The following ECHDC1 variants were observed in gnomAD, a reference collection of about 807,000 sequenced individuals.
The protein encoded by ECHDC1 is ethylmalonyl-CoA decarboxylase.
In ECHDC1, 29 loss-of-function variants were observed where a neutral mutation model predicts 29.7. That is an observed-to-expected ratio of 0.98 (90% CI 0.73 to 1.33). The LOEUF (loss-of-function observed/expected upper bound fraction) is 1.33. Among genes scored for constraint, ECHDC1 ranks in the 40% most tolerant of loss-of-function variants. ECHDC1 has a pLI of 0.00. For missense variants in ECHDC1, 328 were observed against 350.0 expected, an observed-to-expected ratio of 0.94 and a Z score of 0.50; for synonymous variants, 126 against 123.1, an observed-to-expected ratio of 1.02 and a Z score of -0.15.
At chr6:127,290,566 T>C (rs1344564059) in intron 5 of ECHDC1, among the ~76,000 whole-genome samples, 2 of 152,036 alleles carry the variant, frequency 1.3e-5, no homozygotes, top group Non-Finnish European at 2.9e-5. Context: ...GGTGACCTAA[T>C]GAGAGGATGT....
At chr6:127,305,569 C>T (rs577633462) in intron 5 of ECHDC1, among the ~76,000 whole-genome samples, 139 of 152,056 alleles carry the variant, frequency 9.1e-4, no homozygotes, top group African/African-American at 3.2e-3. Context: ...GTAGAAAGAC[C>T]AAATGATGAA....
Position 127,293,462 on chromosome 6 carries a change from C to G in ECHDC1, c.498-3185G>C, listed in dbSNP as rs891623971. On this transcript the variant is annotated intron_variant, in intron 5 of 5. Transcript: ENST00000454859. The stretch of plus-strand genomic sequence containing the variant: ...GATGGCCACTAGACTGGCTACATAT[C>G]CACACATTGTAAAATACAGCAAAGG... Among the ~76,000 whole-genome samples, 9 of 152,080 alleles carry G rather than the reference C, an allele frequency of 5.9e-5. 1 individual carries two copies. The highest frequency in any genetic ancestry group is 2.1e-4 in the South Asian group (1 of 4,824).
intron 5 of ECHDC1, among the ~76,000 whole-genome samples, chr6:127,306,720 T>C (rs907287881): frequency 6.6e-6 from 1 of 152,162 alleles, no homozygotes; most frequent in African/African-American, 2.4e-5. Flanking sequence ...TCTCAGGTAG[T>C]TCTTTATAGC....
chr6:127,322,646 G>GTATATATATATATATATATATA (rs60212728), intron 3 of ECHDC1, among the ~76,000 whole-genome samples: 28 of 149,232 alleles, frequency 1.9e-4, no homozygotes, highest in African/African-American at 6.6e-4. Context: ...ATATATGTGT[G>GTATATATATATATATATATATA]TATATATATA....
At chr6:127,312,814 T>G (rs7453272) in intron 5 of ECHDC1, among the ~76,000 whole-genome samples, 1 of 152,032 alleles carries the variant, frequency 6.6e-6, no homozygotes, top group African/African-American at 2.4e-5. Flanking sequence ...TGAATATCCA[T>G]GCAATAAAAT....
chr6:127,334,918 C>T (rs539892806), intron 1 of ECHDC1, among the ~76,000 whole-genome samples: 2 of 151,370 alleles, frequency 1.3e-5, no homozygotes, highest in Non-Finnish European at 3.0e-5. Context: ...TGGAAGGATG[C>T]TTCCTGAGAG....
chr6:127,312,007 T>C (rs946328039), intron 5 of ECHDC1, among the ~76,000 whole-genome samples: 1 of 151,694 alleles, frequency 6.6e-6, no homozygotes, highest in Non-Finnish European at 1.5e-5. Context: ...AAATGAGAAG[T>C]TGAAAACATT....
chr6:127,311,400 G>A (rs142295340), intron 5 of ECHDC1, among the ~76,000 whole-genome samples: 3,818 of 152,166 alleles, frequency 0.025, 66 homozygotes, highest in East Asian at 0.1. Context: ...GGGGCCAGGC[G>A]TGGTGGCTCA....
At chr6:127,335,576 T>G (rs2114700777) in intron 1 of ECHDC1, among the ~76,000 whole-genome samples, 1 of 152,220 alleles carries the variant, frequency 6.6e-6, no homozygotes, top group Non-Finnish European at 1.5e-5. Flanking sequence ...CTTTATTCTT[T>G]CCCTTAATTT....
chr6:127,307,759 G>GAAAAAA (rs35725675), intron 5 of ECHDC1, among the ~76,000 whole-genome samples: 2 of 137,684 alleles, frequency 1.5e-5, no homozygotes, highest in Non-Finnish European at 3.1e-5. Context: ...GACTAACAAA[G>GAAAAAA]AAAAAAAAAA....
chr6:127,301,494 T>G (rs1383226322), intron 5 of ECHDC1, among the ~76,000 whole-genome samples: 1 of 152,220 alleles, frequency 6.6e-6, no homozygotes, highest in African/African-American at 2.4e-5. Context: ...CTTTCGGTGT[T>G]TTTTTAGAAC....
intron 5 of ECHDC1, among the ~76,000 whole-genome samples, chr6:127,312,903 A>G (rs1047687525): frequency 1.3e-5 from 2 of 152,208 alleles, no homozygotes; most frequent in African/African-American, 4.8e-5. Context: ...ACACTGAATT[A>G]AAGAAGGCAG....
chr6:127,314,132 A>G (rs1189241977), intron 5 of ECHDC1, among the ~76,000 whole-genome samples: 4 of 152,192 alleles, frequency 2.6e-5, no homozygotes, highest in Non-Finnish European at 5.9e-5. Context: ...GAACCTGTAC[A>G]GATAACTCAC....
rs1290604981 is a variant in ECHDC1, at chr6:127,330,906, A to C, written c.123T>G (p.Leu41=). The C allele has an allele frequency of 1.4e-5, 22 of 1,614,130 alleles. No homozygotes were observed. Among genetic ancestry groups the C allele is most frequent in the Non-Finnish European group, 1.9e-5 (22 of 1,180,016 alleles). ...CAATGGATCCACCAGGAAACTGCTG[A>C]AGTGTTTTTTTCACTTCTTCCTCAT... ...GFYEEEVKKT[L]QQFPGGSIDL... Residue 41 remains leucine (L), a synonymous_variant, in exon 2 of 6, where the codon CTT becomes CTG. Transcript: ENST00000454859.
At chr6:127,310,177 G>A (rs1433314954) in intron 5 of ECHDC1, among the ~76,000 whole-genome samples, 1 of 151,950 alleles carries the variant, frequency 6.6e-6, no homozygotes, top group Non-Finnish European at 1.5e-5. Context: ...TACAGAACAG[G>A]GTGACTATAG....
At chr6:127,296,214 A>G (rs1780582357) in intron 5 of ECHDC1, among the ~76,000 whole-genome samples, 2 of 152,206 alleles carry the variant, frequency 1.3e-5, no homozygotes, top group Admixed American at 6.5e-5. Context: ...TTTTTTAGAC[A>G]GGGTCTTATT....
chr6:127,319,054 C>T (rs1782627825), intron 3 of ECHDC1, among the ~76,000 whole-genome samples: 1 of 152,132 alleles, frequency 6.6e-6, no homozygotes, highest in African/African-American at 2.4e-5. Context: ...CATAAAATTC[C>T]AATGAAGTAT....
At chr6:127,291,466 G>A (rs1174348175) in intron 5 of ECHDC1, among the ~76,000 whole-genome samples, 2 of 151,834 alleles carry the variant, frequency 1.3e-5, no homozygotes, top group Non-Finnish European at 2.9e-5. Context: ...TTCCCTAACG[G>A]GTTCATTTTC....
intron 1 of ECHDC1, among the ~76,000 whole-genome samples, chr6:127,338,587 C>G (rs1343093333): frequency 6.6e-6 from 1 of 152,044 alleles, no homozygotes; most frequent in African/African-American, 2.4e-5. Flanking sequence ...CAAAATCAAG[C>G]AACATACCAG....
Sources: allele counts gnomAD v4.1 joint callset (sites outside exome capture counted in the v4.1 genomes callset), GRCh38; gene constraint gnomAD v4.1.1; transcripts MANE v1.5; gene names NCBI Gene and HGNC (gene_info 2026-07-23, HGNC 2026-07-21).